The following LTBP1 variants were observed in gnomAD, a reference collection of about 807,000 sequenced individuals.
LTBP1 encodes the protein latent-transforming growth factor beta-binding protein 1.
A neutral mutation model predicts 207.6 loss-of-function variants in LTBP1; 129 were observed. The ratio of observed to expected loss-of-function variants is 0.62; its 90% confidence interval spans 0.54 to 0.72. The LOEUF (loss-of-function observed/expected upper bound fraction) is 0.72, where lower values mean the gene tolerates loss of function less well. Among genes scored for constraint, LTBP1 ranks in the 30% least tolerant of loss-of-function variants. LTBP1 has a pLI of 0.00. For missense variants in LTBP1, 2,281 were observed against 2,217.2 expected (o/e 1.03, Z -0.58); for synonymous variants, 963 against 833.7 (o/e 1.16, Z -2.67).
At chr2:33,187,804 GTAT>G (rs1309170115) in intron 6 of LTBP1, among the ~76,000 whole-genome samples, 1 of 152,130 alleles carries the variant, frequency 6.6e-6, no homozygotes, top group Non-Finnish European at 1.5e-5. Context: ...AACAGGTACT[GTAT>G]TATTTAAGGG....
At chr2:33,335,144 T>G (rs988356014) in intron 24 of LTBP1, among the ~76,000 whole-genome samples, 6 of 151,442 alleles carry the variant, frequency 4.0e-5, no homozygotes, top group Admixed American at 3.3e-4. Context: ...GTAAGTAAAT[T>G]TTTTGAAAGT....
At chr2:33,056,275 G>A (rs2076995228) in intron 3 of LTBP1, 6 of 569,694 alleles carry the variant, frequency 1.1e-5, no homozygotes, top group Non-Finnish European at 1.4e-5. Context: ...TGTGATGCCT[G>A]AGTGTTTCCC....
intron 7 of LTBP1, among the ~76,000 whole-genome samples, chr2:33,195,326 A>G (rs1362428768): frequency 6.6e-6 from 1 of 152,236 alleles, no homozygotes; most frequent in Non-Finnish European, 1.5e-5. Context: ...AGAGTTTGCC[A>G]TTCTAGATGC....
chr2:32,964,995 G>T (rs188321598), intron 2 of LTBP1, among the ~76,000 whole-genome samples: 1 of 151,970 alleles, frequency 6.6e-6, no homozygotes, highest in Non-Finnish European at 1.5e-5. Flanking sequence ...AGCTGAGATC[G>T]CGCCATTGCA....
At chr2:33,033,013 C>T (rs369222147) in intron 3 of LTBP1, among the ~76,000 whole-genome samples, 1 of 152,102 alleles carries the variant, frequency 6.6e-6, no homozygotes, top group East Asian at 1.9e-4. Context: ...TTAGGATGTT[C>T]ATGAAAAACA....
intron 19 of LTBP1, among the ~76,000 whole-genome samples, chr2:33,282,829 C>T (rs998777739): frequency 2.0e-5 from 3 of 152,082 alleles, no homozygotes; most frequent in African/African-American, 7.2e-5. Flanking sequence ...CTTTGGGAGG[C>T]CAAGACGGGT....
intron 7 of LTBP1, among the ~76,000 whole-genome samples, chr2:33,203,328 G>C (rs2089528405): frequency 6.6e-6 from 1 of 152,246 alleles, no homozygotes; most frequent in Non-Finnish European, 1.5e-5. Context: ...ATGTGAGAGA[G>C]AACATGTCTG....
At chr2:33,290,959 G>A (rs1316148485) in intron 19 of LTBP1, among the ~76,000 whole-genome samples, 2 of 152,190 alleles carry the variant, frequency 1.3e-5, no homozygotes, top group Admixed American at 6.5e-5. Flanking sequence ...GTTTTTACGT[G>A]TGGTTCCTCT....
At chr2:33,312,084 C>G (rs1206474721) in intron 23 of LTBP1, among the ~76,000 whole-genome samples, 2 of 152,282 alleles carry the variant, frequency 1.3e-5, no homozygotes, top group African/African-American at 2.4e-5. Flanking sequence ...TGAATTATCC[C>G]TTTTCGCTCT....
chr2:33,363,471 A>G lies in LTBP1; in HGVS notation c.4352A>G (p.Tyr1451Cys), dbSNP rs2094949118. 4 of 1,613,950 alleles carry G rather than the reference A, an allele frequency of 2.5e-6. No homozygotes were observed. The highest frequency in any genetic ancestry group is 3.4e-6 in the Non-Finnish European group (4 of 1,179,842). ...AACACTCGGCCTGGGTATGAATGCT[A>G]CTGTAAGCAAGGGACGTACTATGAT... is the stretch of plus-strand genomic sequence containing the variant. ...CLNTRPGYEC[Y>C]CKQGTYYDPV... is the part of the protein sequence containing the mutation. Residue 1451 changes from tyrosine to cysteine, a missense_variant, in exon 29 of 34, where the codon TAC (tyrosine) becomes TGC (cysteine). This residue lies in a region of LTBP1 where 1,671 missense variants were observed against 1,634.8 expected (regional missense o/e 1.02). Transcript: ENST00000404816.
At position 33,293,995 on chromosome 2, in the gene LTBP1, C is replaced by CTTTTTTTT. The variant is rs71409607; in HGVS notation, c.3235+734_3235+741dup. On this transcript the variant is annotated intron_variant, in intron 20 of 33. Transcript: ENST00000404816. Reference sequence around the variant, plus strand: ...ATTAGTGAACAAAACTGGTACAGGTCTTTTTTTTTTTTTTTTTTTTTTTTT... The same window carrying CTTTTTTTT: ...ATTAGTGAACAAAACTGGTACAGGTCTTTTTTTTTTTTTTTTTTTTTTTTTTTTTTTTT... 9.2e-4 allele frequency among the ~76,000 whole-genome samples: 45 copies of CTTTTTTTT among 48,838 alleles called. 12 individuals are homozygous for CTTTTTTTT. The highest frequency in any genetic ancestry group is 2.8e-3 in the African/African-American group (32 of 11,544). The allele number at this position is 48,838 out of a possible 152,430, so 32.0% of individuals were successfully genotyped here.
At chr2:33,016,971 C>T (rs113449299) in intron 2 of LTBP1, among the ~76,000 whole-genome samples, 6,008 of 152,190 alleles carry the variant, frequency 0.039, 197 homozygotes, top group Non-Finnish European at 0.067. Flanking sequence ...GAGTCAAGAT[C>T]GTGCCACTGC....
chr2:33,180,345 A>G (rs2086492732), intron 5 of LTBP1, among the ~76,000 whole-genome samples: 3 of 152,182 alleles, frequency 2.0e-5, no homozygotes, highest in Non-Finnish European at 4.4e-5. Flanking sequence ...TTCTAGCTTT[A>G]GAAGAAGGTA....
intron 2 of LTBP1, among the ~76,000 whole-genome samples, chr2:32,965,791 TG>T (rs1192513004): frequency 1.3e-5 from 2 of 152,242 alleles, no homozygotes; most frequent in African/African-American, 2.4e-5. Context: ...TAAACATTTT[TG>T]TACAGGATTT....
chr2:33,272,404 A>G (rs2148340783), intron 15 of LTBP1, among the ~76,000 whole-genome samples: 1 of 152,352 alleles, frequency 6.6e-6, no homozygotes, highest in East Asian at 1.9e-4. Context: ...GCTTGGCCTC[A>G]TTCATACCAG....
chr2:33,201,164 A>G (rs2089205255), intron 7 of LTBP1, among the ~76,000 whole-genome samples: 1 of 152,220 alleles, frequency 6.6e-6, no homozygotes, highest in African/African-American at 2.4e-5. Context: ...GCTGCTATAA[A>G]GACACATGCA....
chr2:33,168,399 CAA>C (rs10616798), intron 5 of LTBP1, among the ~76,000 whole-genome samples: 13,429 of 103,696 alleles, frequency 0.13, 496 homozygotes, highest in African/African-American at 0.21. Flanking sequence ...GTCTTTGTCT[CAA>C]AAAAAAAAAA....
chr2:32,947,585 G>A lies in LTBP1; in HGVS notation c.261G>A (p.Thr87=), dbSNP rs1676376255. The A allele has an allele frequency of 3.8e-6, 5 of 1,316,086 alleles. No homozygotes were observed. The highest frequency in any genetic ancestry group is 4.2e-5 in the South Asian group (2 of 48,180). 81.5% of individuals were successfully genotyped at this position (1,316,086 alleles called of 1,614,324 possible). Residue 87 remains threonine (T), a synonymous_variant, in exon 1 of 34, where the codon ACG becomes ACA. Coordinates refer to ENST00000404816, the MANE Select transcript of LTBP1 (RefSeq NM_206943.4). The stretch of plus-strand genomic sequence containing the variant: ...TCCCCTCGGAGAGGACCCGGCGCAC[G>A]AGCAAGCCGGGCGGCGCGGCCCTGC... ...PGVPSERTRR[T]SKPGGAALQG...
chr2:33,369,400 A>G (rs1214067436), intron 31 of LTBP1, among the ~76,000 whole-genome samples: 3 of 152,176 alleles, frequency 2.0e-5, no homozygotes, highest in Non-Finnish European at 4.4e-5. Context: ...ATACACATTC[A>G]TTGACATTAA....
Sources: allele counts gnomAD v4.1 joint callset (sites outside exome capture counted in the v4.1 genomes callset), GRCh38; gene constraint gnomAD v4.1.1; regional missense constraint gnomAD v4.1.1; transcripts MANE v1.5; gene names NCBI Gene and HGNC (gene_info 2026-07-23, HGNC 2026-07-21).